The following NCAM1 variants were observed in gnomAD, a reference collection of about 807,000 sequenced individuals.
The protein encoded by NCAM1 is antigen recognized by monoclonal antibody 5.1H11.
Under a neutral mutation model 109.8 loss-of-function variants are expected in NCAM1, and 14 were observed. That is an observed-to-expected ratio of 0.13 (90% CI 0.08 to 0.20). The LOEUF is 0.20. Among genes scored for constraint, NCAM1 ranks in the 10% least tolerant of loss-of-function variants. NCAM1 has a pLI of 1.00. For missense variants in NCAM1, 774 were observed against 1,109.9 expected, an observed-to-expected ratio of 0.70 and a Z score of 4.30; for synonymous variants, 418 against 442.9, an observed-to-expected ratio of 0.94 and a Z score of 0.70.
At chr11:113,196,231 A>C (rs974250777) in intron 1 of NCAM1, among the ~76,000 whole-genome samples, 7 of 152,150 alleles carry the variant, frequency 4.6e-5, no homozygotes, top group African/African-American at 1.4e-4. Flanking sequence ...ATCCAATCGC[A>C]TTTGTTCGGT....
chr11:113,033,362 A>G (rs1037309074), intron 1 of NCAM1, among the ~76,000 whole-genome samples: 23 of 152,274 alleles, frequency 1.5e-4, no homozygotes, highest in African/African-American at 5.3e-4. Context: ...TACAGCAGGA[A>G]ATGTGCAGAT....
intron 1 of NCAM1, among the ~76,000 whole-genome samples, chr11:113,163,455 C>T (rs1555104762): frequency 6.6e-6 from 1 of 152,130 alleles, no homozygotes. Flanking sequence ...TTGACCTGGT[C>T]CTCAAAGCCA....
chr11:113,126,828 T>C (rs1941199213), intron 1 of NCAM1, among the ~76,000 whole-genome samples: 1 of 152,170 alleles, frequency 6.6e-6, no homozygotes, highest in Admixed American at 6.6e-5. Context: ...ACTCATCCAC[T>C]TTACAGGCCA....
chr11:113,249,345 G>T (rs1945592024), intron 15 of NCAM1, among the ~76,000 whole-genome samples: 1 of 152,200 alleles, frequency 6.6e-6, no homozygotes, highest in Admixed American at 6.5e-5. Flanking sequence ...AGGATTCCCT[G>T]CACTGGAGGT....
chr11:113,254,012 T>C (rs185562503), intron 15 of NCAM1, among the ~76,000 whole-genome samples: 1 of 152,236 alleles, frequency 6.6e-6, no homozygotes, highest in East Asian at 1.9e-4. Flanking sequence ...TGTGTCTCCT[T>C]CTATTTGTTC....
At chr11:113,011,314 A>C (rs1374666178) in intron 1 of NCAM1, among the ~76,000 whole-genome samples, 1 of 149,578 alleles carries the variant, frequency 6.7e-6, no homozygotes, top group African/African-American at 2.5e-5. Flanking sequence ...ATGGCTGCAT[A>C]GTATTCCATG....
chr11:112,964,846 G>T (rs1275292922), intron 1 of NCAM1, among the ~76,000 whole-genome samples: 2 of 152,124 alleles, frequency 1.3e-5, no homozygotes, highest in Non-Finnish European at 2.9e-5. Flanking sequence ...AAATCCAACA[G>T]AGTTATTAAA....
Position 113,233,358 on chromosome 11 carries a change from G to A in NCAM1, c.1693+41G>A, listed in dbSNP as rs1334040491. On this transcript the variant is annotated intron_variant, in intron 13 of 19. Transcript: ENST00000316851. This position sits in a 1 kb window ranked among gnomAD's most constrained non-coding sequence, Gnocchi z 4.5. Reference sequence around the variant, plus strand: ...TGGTGTTTCCATTGGGATCATGAGTGCCTCAGTACTCAGATGTCCCCACCT... The same window carrying A: ...TGGTGTTTCCATTGGGATCATGAGTACCTCAGTACTCAGATGTCCCCACCT... The A allele has an allele frequency of 3.8e-6, 6 of 1,580,876 alleles. No individual in the cohort carries two copies. In the African/African-American group the frequency reaches 4.0e-5, roughly 11 times the overall value.
intron 7 of NCAM1, among the ~76,000 whole-genome samples, chr11:113,210,219 C>A (rs1444636351): frequency 2.6e-5 from 4 of 152,132 alleles, no homozygotes; most frequent in African/African-American, 9.7e-5. Context: ...ATATCAAACA[C>A]AAGCAGAACA....
Position 113,238,548 on chromosome 11 carries a change from T to C in NCAM1, c.1825+3384T>C, listed in dbSNP as rs145005608. On this transcript the variant is annotated intron_variant, in intron 14 of 19. Coordinates refer to ENST00000316851, the MANE Select transcript of NCAM1 (RefSeq NM_181351.5). ...ATGCTGCCAGCAGTTACAACTGCTA[T>C]GACAAACCCACCCTTTTGCTGCTAG... Among the ~76,000 whole-genome samples, 5 of 152,296 alleles carry C rather than the reference T, an allele frequency of 3.3e-5. No homozygotes were observed. In the East Asian group the frequency reaches 9.6e-4, roughly 29 times the overall value.
rs532874568 is a variant in NCAM1 at position 113,063,648 on chromosome 11, G to T, written c.52+101984G>T. The stretch of plus-strand genomic sequence containing the variant: ...TACTTGGATGGGGTTCAGACATTCT[G>T]CTCAGTTCCTGGAACCACTCACTTC... On this transcript the variant is annotated intron_variant, in intron 1 of 19. Transcript: ENST00000316851. 3.3e-3 allele frequency among the ~76,000 whole-genome samples: 510 copies of T among 152,244 alleles called. 1 individual carries two copies. Among genetic ancestry groups the T allele is most frequent in the African/African-American group, 0.012 (488 of 41,540 alleles).
rs1555063034 is a variant in NCAM1 at position 112,961,633 on chromosome 11, C to T, written c.21C>T (p.Leu7=). 2 of 1,498,300 alleles carry T rather than the reference C, an allele frequency of 1.3e-6. No individual in the cohort carries two copies. The highest frequency in any genetic ancestry group is 1.9e-6 in the Non-Finnish European group (2 of 1,079,204). The allele number at this position is 1,498,300 out of a possible 1,614,324, so 92.8% of individuals were successfully genotyped here. A position where few individuals can be genotyped will look rare whatever the true frequency, so the allele number is the denominator to read the frequency against. MLQTKD[L]IWTLFFLGTA... is the part of the protein sequence containing the mutation. Reference sequence around the variant, plus strand: ...TTACAATGCTGCAAACTAAGGATCTCATCTGGACTTTGTTTTTCCTGGGAA... The same window carrying T: ...TTACAATGCTGCAAACTAAGGATCTTATCTGGACTTTGTTTTTCCTGGGAA... The change falls in exon 1 of 20, where the codon CTC becomes CTT. Residue 7 remains leucine, a synonymous_variant. Coordinates refer to ENST00000316851, the MANE Select transcript of NCAM1 (RefSeq NM_181351.5).
chr11:113,123,316 T>C (rs1335764703), intron 1 of NCAM1, among the ~76,000 whole-genome samples: 1 of 152,204 alleles, frequency 6.6e-6, no homozygotes, highest in Non-Finnish European at 1.5e-5. Context: ...AAATATCACA[T>C]GTACCCCATA....
At chr11:112,966,465 C>T (rs562593262) in intron 1 of NCAM1, among the ~76,000 whole-genome samples, 4 of 152,230 alleles carry the variant, frequency 2.6e-5, no homozygotes, top group South Asian at 2.1e-4. Flanking sequence ...TTTCACTATT[C>T]GAAAACATTG....
intron 1 of NCAM1, among the ~76,000 whole-genome samples, chr11:113,081,205 C>T (rs17114764): frequency 0.052 from 7,892 of 152,204 alleles, 585 homozygotes; most frequent in Admixed American, 0.17. Flanking sequence ...CTACCCGCTG[C>T]GCTTACCTTT....
rs1943261269 is a variant in NCAM1, at chr11:113,179,306, G to A, written c.53-23073G>A. ...GTACCCCCAACTTGTTGATTCCTAA[G>A]TAAAGAATTTGCTCTCCTTTTGCTA... is the stretch of plus-strand genomic sequence containing the variant. On this transcript the variant is annotated intron_variant, in intron 1 of 19. Coordinates refer to ENST00000316851, the MANE Select transcript of NCAM1 (RefSeq NM_181351.5). Among the ~76,000 whole-genome samples the A allele has an allele frequency of 2.6e-5, 4 of 152,332 alleles. No individual in the cohort carries two copies. In the South Asian group the frequency reaches 6.2e-4, roughly 24 times the overall value.
chr11:113,051,527 C>T (rs2135406384), intron 1 of NCAM1, among the ~76,000 whole-genome samples: 1 of 122,686 alleles, frequency 8.2e-6, no homozygotes, highest in Non-Finnish European at 2.1e-5. Flanking sequence ...CATTAAACTA[C>T]CACCTAAAAA....
chr11:113,253,279 T>G (rs1945742553), intron 15 of NCAM1, among the ~76,000 whole-genome samples: 2 of 152,168 alleles, frequency 1.3e-5, no homozygotes, highest in East Asian at 3.9e-4. Flanking sequence ...TTCAACATTT[T>G]AAAGCAAAAA....
chr11:113,208,358 G>A (rs1944298791), intron 7 of NCAM1, among the ~76,000 whole-genome samples: 1 of 152,136 alleles, frequency 6.6e-6, no homozygotes, highest in African/African-American at 2.4e-5. Flanking sequence ...CAAGACCAGA[G>A]ATGAACTAGC....
Sources: gnomAD v4.1 joint callset for allele counts (sites outside exome capture counted in the v4.1 genomes callset) on GRCh38, gnomAD v4.1.1 for gene constraint, Gnocchi (gnomAD v3.1) non-coding constraint, MANE v1.5 for transcripts, NCBI Gene and HGNC (gene_info 2026-07-23, HGNC 2026-07-21) for gene names.